Variants in AHCYL2 observed in about 807,000 individuals in gnomAD.
AHCYL2 encodes the protein S-adenosylhomocysteine hydrolase-like protein 2.
Under a neutral mutation model 81.4 loss-of-function variants are expected in AHCYL2, and 28 were observed. The observed-to-expected ratio is 0.34, with a 90% CI of 0.25 to 0.47. The LOEUF is 0.47. Among genes scored for constraint, AHCYL2 ranks in the 20% least tolerant of loss-of-function variants. The pLI is 1.00. For missense variants in AHCYL2, 551 were observed against 785.1 expected, an observed-to-expected ratio of 0.70 and a Z score of 3.56; for synonymous variants, 272 against 290.2, an observed-to-expected ratio of 0.94 and a Z score of 0.64.
chr7:129,358,789 A>C (rs1793833490), intron 1 of AHCYL2, among the ~76,000 whole-genome samples: 1 of 152,116 alleles, frequency 6.6e-6, no homozygotes, highest in Admixed American at 6.6e-5. Context: ...TTGTGTTGGT[A>C]ATGGTAGTGG....
chr7:129,246,622 A>G (rs1164499944), intron 1 of AHCYL2, among the ~76,000 whole-genome samples: 1 of 151,956 alleles, frequency 6.6e-6, no homozygotes, highest in Non-Finnish European at 1.5e-5. Context: ...CTCACCTTCC[A>G]AGTAGCTGGG....
At chr7:129,264,081 GCGC>G (rs1426718333) in intron 1 of AHCYL2, among the ~76,000 whole-genome samples, 3 of 152,234 alleles carry the variant, frequency 2.0e-5, no homozygotes, top group Non-Finnish European at 4.4e-5. Context: ...GAGTGCAGTG[GCGC>G]CATCTCGGCT....
At chr7:129,343,608 A>T (rs1449164769) in intron 1 of AHCYL2, among the ~76,000 whole-genome samples, 1 of 152,180 alleles carries the variant, frequency 6.6e-6, no homozygotes, top group Non-Finnish European at 1.5e-5. Context: ...TTTCCAACAA[A>T]TGGTGCTGGA....
intron 1 of AHCYL2, among the ~76,000 whole-genome samples, chr7:129,255,034 G>A (rs567091026): frequency 3.3e-4 from 50 of 152,166 alleles, no homozygotes; most frequent in African/African-American, 1.1e-3. Flanking sequence ...AGGCCAAGGC[G>A]GGAGGATCAT....
intron 1 of AHCYL2, among the ~76,000 whole-genome samples, chr7:129,322,073 T>G (rs1380549249): frequency 2.6e-5 from 4 of 151,360 alleles, no homozygotes; most frequent in Non-Finnish European, 5.9e-5. Context: ...TCTTTAAATA[T>G]TTGGAATTCA....
chr7:129,415,963 C>T (rs972992422), intron 12 of AHCYL2, among the ~76,000 whole-genome samples: 3 of 151,934 alleles, frequency 2.0e-5, no homozygotes, highest in African/African-American at 4.8e-5. Flanking sequence ...TGCTGGAACC[C>T]GGGAGGCTGA....
chr7:129,252,020 A>G (rs944861633), intron 1 of AHCYL2, among the ~76,000 whole-genome samples: 1 of 152,168 alleles, frequency 6.6e-6, no homozygotes, highest in African/African-American at 2.4e-5. Flanking sequence ...TGGATCTTGC[A>G]CAATTTAATG....
intron 1 of AHCYL2, among the ~76,000 whole-genome samples, chr7:129,378,594 G>A (rs1056391817): frequency 2.0e-5 from 3 of 152,180 alleles, no homozygotes; most frequent in African/African-American, 7.2e-5. Context: ...CAGCTAATGA[G>A]TGGCATAGCC....
chr7:129,285,287 T>C (rs1462074579), intron 1 of AHCYL2, among the ~76,000 whole-genome samples: 1 of 152,264 alleles, frequency 6.6e-6, no homozygotes, highest in Non-Finnish European at 1.5e-5. Flanking sequence ...GGAGTCATTC[T>C]TGCAAGAGTT....
chr7:129,392,954 G>T (rs147879856), intron 4 of AHCYL2, among the ~76,000 whole-genome samples: 17 of 152,296 alleles, frequency 1.1e-4, no homozygotes, highest in African/African-American at 3.4e-4. Flanking sequence ...CTCATTATGA[G>T]ATTCAGGCTA....
chr7:129,401,231 T>G (rs887655711), intron 6 of AHCYL2, among the ~76,000 whole-genome samples: 5 of 151,932 alleles, frequency 3.3e-5, no homozygotes, highest in African/African-American at 1.2e-4. Context: ...CTGGGACTCC[T>G]AAGTGGGAGG....
At chr7:129,227,953 A>G (rs1794288128) in intron 1 of AHCYL2, among the ~76,000 whole-genome samples, 1 of 152,224 alleles carries the variant, frequency 6.6e-6, no homozygotes, top group Non-Finnish European at 1.5e-5. Flanking sequence ...CCTTCTTGAT[A>G]TTGAATTGGC....
chr7:129,240,903 C>T (rs920344910), intron 1 of AHCYL2, among the ~76,000 whole-genome samples: 2 of 151,644 alleles, frequency 1.3e-5, no homozygotes, highest in Non-Finnish European at 2.9e-5. Context: ...TTTTTTTTAA[C>T]CTGTGGGTCA....
chr7:129,288,225 T>A (rs879233344), intron 1 of AHCYL2, among the ~76,000 whole-genome samples: 1 of 152,202 alleles, frequency 6.6e-6, no homozygotes. Flanking sequence ...CAGTTTTTTG[T>A]TGTAGAAATC....
chr7:129,327,072 C>G (rs1467840022), intron 1 of AHCYL2, among the ~76,000 whole-genome samples: 2 of 152,132 alleles, frequency 1.3e-5, no homozygotes, highest in African/African-American at 4.8e-5. Context: ...ACATATGTTA[C>G]TGCTATGGAC....
chr7:129,382,333 C>T (rs1433501699), intron 2 of AHCYL2, among the ~76,000 whole-genome samples: 1 of 152,204 alleles, frequency 6.6e-6, no homozygotes, highest in East Asian at 1.9e-4. Flanking sequence ...GGCACAGTGG[C>T]TCATGCCTGT....
intron 2 of AHCYL2, 126 bp from the exon 3 acceptor site, chr7:129,388,930 A>T (rs1795326244): frequency 1.1e-5 from 11 of 1,007,386 alleles, no homozygotes; most frequent in Non-Finnish European, 1.6e-5. Flanking sequence ...GCCTGCAGGT[A>T]CTTAACAGAG....
chr7:129,365,572 T>C (rs1248396518), intron 1 of AHCYL2, among the ~76,000 whole-genome samples: 1 of 149,488 alleles, frequency 6.7e-6, no homozygotes, highest in Non-Finnish European at 1.5e-5. Context: ...GTCACCATAC[T>C]GTGTAGTCTT....
chr7:129,256,688 C>A (rs967007364), intron 1 of AHCYL2, among the ~76,000 whole-genome samples: 1 of 151,648 alleles, frequency 6.6e-6, no homozygotes, highest in Non-Finnish European at 1.5e-5. Context: ...AATATTTTGC[C>A]CTTACAATCA....
Sources: allele counts gnomAD v4.1 joint callset (sites outside exome capture counted in the v4.1 genomes callset), GRCh38; gene constraint gnomAD v4.1.1; transcripts MANE v1.5; gene names NCBI Gene and HGNC (gene_info 2026-07-23, HGNC 2026-07-21).